PFKP: variants seen among roughly 807,000 people sequenced by gnomAD.
The protein encoded by PFKP is ATP-dependent 6-phosphofructokinase, platelet type.
Under a neutral mutation model 94.3 loss-of-function variants are expected in PFKP, and 101 were observed. The observed-to-expected ratio is 1.07, with a 90% confidence interval of 0.91 to 1.26. The LOEUF is 1.26. Among genes scored for constraint, PFKP ranks in the 50% most tolerant of loss-of-function variants. PFKP has a pLI of 0.00. For missense variants in PFKP, 1,145 were observed against 1,103.3 expected (o/e 1.04, Z -0.53); for synonymous variants, 573 against 432.6 (o/e 1.32, Z -4.03).
At chr10:3,092,891 C>T (rs1834158332) in intron 2 of PFKP, among the ~76,000 whole-genome samples, 1 of 152,038 alleles carries the variant, frequency 6.6e-6, no homozygotes. Flanking sequence ...GGGACCTCTC[C>T]TAATCTGGAG....
chr10:3,116,020 T>C (rs551576726), intron 13 of PFKP, among the ~76,000 whole-genome samples: 1 of 152,350 alleles, frequency 6.6e-6, no homozygotes, highest in Non-Finnish European at 1.5e-5. Context: ...TCTTTCTTGT[T>C]CAGACTTGTG....
intron 2 of PFKP, among the ~76,000 whole-genome samples, chr10:3,087,227 G>T (rs776820779): frequency 6.6e-6 from 1 of 150,930 alleles, no homozygotes; most frequent in Non-Finnish European, 1.5e-5. Flanking sequence ...CCAAAGTGCT[G>T]GGATTACAGG....
At chr10:3,108,624 G>A (rs1835861960) in intron 8 of PFKP, 77 bp from the exon 9 acceptor site, 2 of 1,064,404 alleles carry the variant, frequency 1.9e-6, no homozygotes, top group African/African-American at 3.1e-5. Context: ...CTTTTCCAGT[G>A]CCCAGTACCT....
chr10:3,135,748 C>T lies in PFKP; in HGVS notation c.2135C>T (p.Thr712Ile), dbSNP rs184988159. 6 of 1,608,450 alleles carry T rather than the reference C, an allele frequency of 3.7e-6. No homozygotes were observed. The African/African-American group carries it at 6.7e-5, about 18-fold the overall frequency. Residue 712 changes from threonine to isoleucine, a missense_variant, in exon 21 of 22, where the codon ACC (threonine) becomes ATC (isoleucine). Physicochemically the swap from Thr to Ile is moderately conservative, Grantham distance 89 (BLOSUM62 -1). Around this residue, in one of 3 missense-constraint regions of PFKP, gnomAD observed 1,119 missense variants for 1,062.8 expected, o/e 1.05. Coordinates refer to ENST00000381125, the MANE Select transcript of PFKP (RefSeq NM_002627.5). ...KEARGRGKKFTTDDSICVLGI... is the reference protein window; with the variant it reads ...KEARGRGKKFITDDSICVLGI... The stretch of plus-strand genomic sequence containing the variant: ...AAATCTTTTATAGGAAAAAAATTTA[C>T]CACCGATGATTCCATTTGTGTGCTG...
In PFKP at chr10:3,132,362, C is replaced by A. The variant is rs76325884; in HGVS notation, c.1849-18C>A. 2 of 1,591,042 alleles carry A rather than the reference C, an allele frequency of 1.3e-6. No individual in the cohort carries two copies. Among genetic ancestry groups the A allele is most frequent in the East Asian group, 2.2e-5 (1 of 44,736 alleles). On this transcript the variant is annotated intron_variant, in intron 17 of 21. Transcript: ENST00000381125. ...TAGTAGAAGTTTATTGTCTGATTAACAAAATACTCTCTTCCAGTCCAACGT... is the reference window on the plus strand; with the variant it reads ...TAGTAGAAGTTTATTGTCTGATTAAAAAAATACTCTCTTCCAGTCCAACGT...
At chr10:3,120,750 C>T (rs1445006732) in intron 16 of PFKP, among the ~76,000 whole-genome samples, 1 of 152,102 alleles carries the variant, frequency 6.6e-6, no homozygotes, top group Non-Finnish European at 1.5e-5. Context: ...GCCTCGACCT[C>T]CCGGGCTCAG....
intron 10 of PFKP, among the ~76,000 whole-genome samples, chr10:3,109,853 A>C (rs371960346): frequency 5.1e-4 from 78 of 151,984 alleles, no homozygotes; most frequent in African/African-American, 1.9e-3. Context: ...AGATCCGTGG[A>C]CAGACTGCAG....
At position 3,118,576 on chromosome 10, in the gene PFKP, C is replaced by G. The variant is rs1837065817; in HGVS notation, c.1443-206C>G. ...GAGCTGAAATGCTTTATTCCATTTT[C>G]TCATGAAAACACTGTTTTGAGATGA... On this transcript the variant is annotated intron_variant, in intron 14 of 21. Coordinates refer to ENST00000381125, the MANE Select transcript of PFKP (RefSeq NM_002627.5). Among the ~76,000 whole-genome samples the G allele has an allele frequency of 3.3e-5, 5 of 152,168 alleles. No homozygotes were observed. In the South Asian group the frequency reaches 1.0e-3, roughly 32 times the overall value.
At chr10:3,091,249 A>G (rs1834019192) in intron 2 of PFKP, among the ~76,000 whole-genome samples, 1 of 152,146 alleles carries the variant, frequency 6.6e-6, no homozygotes, top group African/African-American at 2.4e-5. Flanking sequence ...TTAGAAGCCT[A>G]CAAATGGCTT....
chr10:3,086,062 T>G (rs1292184055), intron 2 of PFKP, among the ~76,000 whole-genome samples: 1 of 152,124 alleles, frequency 6.6e-6, no homozygotes, highest in African/African-American at 2.4e-5. Context: ...GAGCTGCTCT[T>G]AGTACAGAAA....
Position 3,116,826 on chromosome 10 carries a change from C to T in PFKP, c.1422C>T (p.Gly474=). The change falls in exon 14 of 22, where the codon GGC becomes GGT. Residue 474 remains glycine, a synonymous_variant. Coordinates refer to ENST00000381125, the MANE Select transcript of PFKP (RefSeq NM_002627.5). ...TCGGGGGCTGGACCGGCCAAGGAGG[C>T]TCCATTCTTGGGACAAAACGGTAAC... is the stretch of plus-strand genomic sequence containing the variant. ...TDVGGWTGQG[G]SILGTKRVLP... 6.2e-7 allele frequency: 1 copy of T among 1,612,404 alleles called. No homozygotes were observed. The highest frequency in any genetic ancestry group is 1.1e-5 in the South Asian group (1 of 91,050).
intron 1 of PFKP, among the ~76,000 whole-genome samples, chr10:3,077,427 AAT>A (rs1832701013): frequency 2.0e-5 from 3 of 148,172 alleles, no homozygotes; most frequent in Non-Finnish European, 4.5e-5. Flanking sequence ...ATGCCCGGCT[AAT>A]TTTTTTTTTT....
At chr10:3,120,658 ATTC>A (rs556518953) in intron 16 of PFKP, among the ~76,000 whole-genome samples, 140 of 152,242 alleles carry the variant, frequency 9.2e-4, no homozygotes, top group African/African-American at 2.7e-3. Flanking sequence ...ATAGAAATAT[ATTC>A]TTCTTTTTTT....
chr10:3,075,242 AC>A (rs1320298363), intron 1 of PFKP, among the ~76,000 whole-genome samples: 1 of 151,784 alleles, frequency 6.6e-6, no homozygotes, highest in East Asian at 2.0e-4. Context: ...GCCGTTATGA[AC>A]GTGTCACAGT....
In PFKP at chr10:3,104,028, T is replaced by G; in HGVS notation, c.620+84T>G. ...GACGTTACCACGGGCTCTAGAACAT[T>G]CTGCAGATTGGGTGTCCTGGTGCTG... is the stretch of plus-strand genomic sequence containing the variant. On this transcript the variant is annotated intron_variant, in intron 5 of 21. Transcript: ENST00000381125. 4 of 1,299,106 alleles carry G rather than the reference T, an allele frequency of 3.1e-6. No homozygotes were observed. The South Asian group carries it at 5.6e-5, about 18-fold the overall frequency. The allele number at this position is 1,299,106 out of a possible 1,614,324, so 80.5% of individuals were successfully genotyped here.
At chr10:3,129,665 T>C (rs9423695) in intron 16 of PFKP, 154 bp from the exon 17 acceptor site, 311,327 of 770,340 alleles carry the variant, frequency 0.4, 66,002 homozygotes, top group African/African-American at 0.61. Context: ...GGGCACATCC[T>C]GGCTGCTGCA....
intron 1 of PFKP, among the ~76,000 whole-genome samples, chr10:3,068,157 T>A (rs1714437438): frequency 6.6e-6 from 1 of 152,068 alleles, no homozygotes. Context: ...TACAGCGCGA[T>A]CACTTCCTAA....
At chr10:3,121,471 T>C (rs1047293140) in intron 16 of PFKP, among the ~76,000 whole-genome samples, 3 of 152,208 alleles carry the variant, frequency 2.0e-5, no homozygotes, top group Admixed American at 2.0e-4. Flanking sequence ...TTTTCCCTAA[T>C]TGTTACCTAA....
intron 14 of PFKP, among the ~76,000 whole-genome samples, chr10:3,118,062 A>G (rs561691195): frequency 5.3e-4 from 81 of 152,364 alleles, no homozygotes; most frequent in Non-Finnish European, 1.1e-3. Flanking sequence ...TAGCCCTGTC[A>G]TGTGACATTG....
Sources: gnomAD v4.1 joint callset for allele counts (sites outside exome capture counted in the v4.1 genomes callset) on GRCh38, gnomAD v4.1.1 for gene constraint, gnomAD v4.1.1 regional missense constraint, MANE v1.5 for transcripts, NCBI Gene and HGNC (gene_info 2026-07-23, HGNC 2026-07-21) for gene names.